SUMF1: variants seen among roughly 807,000 people sequenced by gnomAD.
SUMF1 encodes sulfatase modifying factor 1.
Under a neutral mutation model 47.6 loss-of-function variants are expected in SUMF1, and 48 were observed. The ratio of observed to expected loss-of-function variants is 1.01; its 90% CI spans 0.80 to 1.28. The LOEUF (loss-of-function observed/expected upper bound fraction) is 1.28. Ranked by LOEUF, SUMF1 falls within the 50% of genes most tolerant of loss-of-function variation. The pLI, the probability that SUMF1 is intolerant of heterozygous loss-of-function variation, is 0.00. For synonymous variants in SUMF1, 230 were observed against 192.1 expected (o/e 1.20, Z -1.63); for missense variants, 571 against 485.4 (o/e 1.18, Z -1.66).
At chr3:4,136,827 T>C (rs1315670498) in intron 8 of SUMF1, among the ~76,000 whole-genome samples, 1 of 151,922 alleles carries the variant, frequency 6.6e-6, no homozygotes, top group Non-Finnish European at 1.5e-5. Context: ...GAACAGACAC[T>C]TCTCCAAAGA....
chr3:4,360,710 G>A (rs1688415), downstream of SUMF1, among the ~76,000 whole-genome samples: 59,785 of 152,042 alleles, frequency 0.39, 13,820 homozygotes, highest in African/African-American at 0.62. Flanking sequence ...GTGTTGGTTA[G>A]ACACTTTTGA....
rs1317999063 is a variant in SUMF1 at position 4,362,231 on chromosome 3, A to G, written c.1038T>C (p.Cys346=). ...CAGGTGTGTTCTGGCTCCGAGCAGC[A>G]CAGCGATACCTGTAACAATAAGACT... ...CHRSYCYRYR[C]AARSQNTPDS... is the part of the protein sequence containing the mutation. The change falls in exon 9 of 9, where the codon TGT becomes TGC. Residue 346 remains cysteine, a synonymous_variant. Transcript: ENST00000272902. 6.2e-7 allele frequency: 1 copy of G among 1,614,200 alleles called. No individual in the cohort carries two copies. Among genetic ancestry groups the G allele is most frequent in the Admixed American group, 1.7e-5 (1 of 60,024 alleles).
At chr3:4,436,199 T>C (rs1291056606) in intron 3 of SUMF1, among the ~76,000 whole-genome samples, 1 of 152,184 alleles carries the variant, frequency 6.6e-6, no homozygotes, top group East Asian at 1.9e-4. Context: ...CTAGGTTTTT[T>C]CCAATGTATG....
chr3:4,258,419 A>G (rs1329897993), intron 8 of SUMF1, among the ~76,000 whole-genome samples: 3 of 140,172 alleles, frequency 2.1e-5, no homozygotes, highest in Non-Finnish European at 3.1e-5. Context: ...TTTACAAGAA[A>G]AAAACAAACA....
chr3:4,400,113 G>A lies in SUMF1; in HGVS notation c.954+10752C>T, dbSNP rs577441414. On this transcript the variant is annotated intron_variant, in intron 7 of 8. Coordinates refer to ENST00000272902, the MANE Select transcript of SUMF1 (RefSeq NM_182760.4). ...AAGAGATAAAATTCCTCAAGCAACC[G>A]ACCCAAACTGGGGGCCGAATTCTAC... 1.3e-3 allele frequency among the ~76,000 whole-genome samples: 192 copies of A among 151,904 alleles called. 4 individuals carry two copies. The Middle Eastern group carries it at 0.024, about 19-fold the overall frequency.
intron 8 of SUMF1, among the ~76,000 whole-genome samples, chr3:4,311,134 T>A (rs12497057): frequency 2.6e-5 from 4 of 152,184 alleles, no homozygotes; most frequent in Non-Finnish European, 5.9e-5. Flanking sequence ...ATGTTAGCCT[T>A]CTCCCACAGG....
intron 8 of SUMF1, among the ~76,000 whole-genome samples, chr3:4,126,012 C>T (rs1388162982): frequency 6.6e-6 from 1 of 151,906 alleles, no homozygotes; most frequent in Non-Finnish European, 1.5e-5. Context: ...GTGCCTCGTG[C>T]CATTTTCCTA....
intron 8 of SUMF1, among the ~76,000 whole-genome samples, chr3:4,142,462 A>C (rs1436026593): frequency 6.6e-6 from 1 of 151,514 alleles, no homozygotes; most frequent in Non-Finnish European, 1.5e-5. Context: ...CTAATAGGGG[A>C]TATCATATAT....
At chr3:4,368,679 C>G (rs11915858) in intron 8 of SUMF1, among the ~76,000 whole-genome samples, 2,653 of 152,222 alleles carry the variant, frequency 0.017, 67 homozygotes, top group African/African-American at 0.06. Context: ...TCCCACTGCC[C>G]AATACACAAG....
At chr3:4,445,972 T>C (rs1368484132) in intron 3 of SUMF1, among the ~76,000 whole-genome samples, 1 of 152,234 alleles carries the variant, frequency 6.6e-6, no homozygotes, top group African/African-American at 2.4e-5. Context: ...AATACTCTAA[T>C]TGGTCACCTT....
intron 8 of SUMF1, among the ~76,000 whole-genome samples, chr3:4,271,228 G>A (rs1245620960): frequency 6.6e-6 from 1 of 152,028 alleles, no homozygotes; most frequent in African/African-American, 2.4e-5. Context: ...AATAACCAAA[G>A]TCCTAAAATA....
chr3:4,196,143 G>A (rs1400232045), intron 8 of SUMF1, among the ~76,000 whole-genome samples: 1 of 152,068 alleles, frequency 6.6e-6, no homozygotes, highest in Non-Finnish European at 1.5e-5. Flanking sequence ...TCACATAAGG[G>A]GAAGTCCAGA....
At chr3:4,154,804 C>A (rs1017716697) in intron 8 of SUMF1, among the ~76,000 whole-genome samples, 1 of 151,392 alleles carries the variant, frequency 6.6e-6, no homozygotes, top group Non-Finnish European at 1.5e-5. Context: ...AGGATGCTCA[C>A]CAGCCAATAT....
intron 6 of SUMF1, among the ~76,000 whole-genome samples, chr3:4,411,419 A>G (rs1307432334): frequency 6.6e-6 from 1 of 152,128 alleles, no homozygotes; most frequent in African/African-American, 2.4e-5. Context: ...AGCGACCCCA[A>G]GTCAGTTAGC....
At chr3:4,309,525 A>ATT (rs1368443425) in intron 8 of SUMF1, among the ~76,000 whole-genome samples, 1 of 152,166 alleles carries the variant, frequency 6.6e-6, no homozygotes, top group Non-Finnish European at 1.5e-5. Flanking sequence ...CAAAAAAGGG[A>ATT]AGGAATTGCC....
chr3:4,393,796 T>TCC (rs1289081946), intron 7 of SUMF1, among the ~76,000 whole-genome samples: 1 of 152,124 alleles, frequency 6.6e-6, no homozygotes. Context: ...ATTTATCACC[T>TCC]CCCTTTGGTG....
intron 8 of SUMF1, among the ~76,000 whole-genome samples, chr3:4,076,892 T>C (rs1692449667): frequency 6.6e-6 from 1 of 151,996 alleles, no homozygotes; most frequent in Non-Finnish European, 1.5e-5. Flanking sequence ...TAGTCCCAGC[T>C]ACTCGGGAGG....
intron 8 of SUMF1, among the ~76,000 whole-genome samples, chr3:4,292,655 G>C (rs1177317488): frequency 6.6e-6 from 1 of 152,202 alleles, no homozygotes; most frequent in East Asian, 1.9e-4. Context: ...TTAAGTGCCA[G>C]AGCAAAGGTA....
chr3:4,070,011 A>G (rs1441407368), intron 8 of SUMF1, among the ~76,000 whole-genome samples: 2 of 152,184 alleles, frequency 1.3e-5, no homozygotes, highest in Non-Finnish European at 2.9e-5. Flanking sequence ...CTGCTATCTG[A>G]GAAATTCCTC....
Sources: gnomAD v4.1 joint callset for allele counts (sites outside exome capture counted in the v4.1 genomes callset) on GRCh38, gnomAD v4.1.1 for gene constraint, MANE v1.5 for transcripts, NCBI Gene and HGNC (gene_info 2026-07-23, HGNC 2026-07-21) for gene names.